The following PPFIBP2 variants were observed in gnomAD, a reference collection of about 807,000 sequenced individuals.
PPFIBP2 encodes the protein liprin-beta-2.
In PPFIBP2, 118 loss-of-function variants were observed where a neutral mutation model predicts 118.3. The observed-to-expected ratio is 1.00, with a 90% confidence interval of 0.86 to 1.16. The LOEUF (loss-of-function observed/expected upper bound fraction) is 1.16. PPFIBP2 is among the 50% of genes most tolerant of loss of function. PPFIBP2 has a pLI of 0.00. For missense variants in PPFIBP2, 1,195 were observed against 1,073.1 expected (o/e 1.11, Z -1.59); for synonymous variants, 414 against 397.4 (o/e 1.04, Z -0.50).
In PPFIBP2 at chr11:7,642,505, T is replaced by C. The variant is rs1444695191; in HGVS notation, c.1646+79T>C. The C allele has an allele frequency of 6.1e-6, 9 of 1,471,830 alleles. No individual in the cohort carries two copies. The East Asian group carries it at 2.2e-4, about 36-fold the overall frequency. 91.2% of individuals were successfully genotyped at this position (1,471,830 alleles called of 1,614,324 possible). A position where few individuals can be genotyped will look rare whatever the true frequency, so the allele number is the denominator to read the frequency against. On this transcript the variant is annotated intron_variant, in intron 17 of 23. Transcript: ENST00000299492. ...CCCTTCAAACCTGCATGGGTGAATC[T>C]TTACTCCTGTGTTTTGCGGAAACCC...
At chr11:7,587,216 C>G (rs942127764) in intron 3 of PPFIBP2, among the ~76,000 whole-genome samples, 3 of 152,172 alleles carry the variant, frequency 2.0e-5, no homozygotes, top group African/African-American at 7.2e-5. Flanking sequence ...CCCTTTTTAT[C>G]CTAGTACATC....
chr11:7,564,493 A>G (rs1482816326), intron 2 of PPFIBP2, among the ~76,000 whole-genome samples: 2 of 152,254 alleles, frequency 1.3e-5, no homozygotes, highest in East Asian at 3.8e-4. Context: ...CTAACTGGGA[A>G]GATCCAGAAA....
intron 1 of PPFIBP2, among the ~76,000 whole-genome samples, chr11:7,525,946 A>G (rs1188492086): frequency 6.6e-6 from 1 of 152,194 alleles, no homozygotes; most frequent in Non-Finnish European, 1.5e-5. Flanking sequence ...CAAGGTGGGC[A>G]GCATGTTCTT....
the PPFIBP2 span, among the ~76,000 whole-genome samples, chr11:7,664,757 G>C: frequency 6.6e-6 from 1 of 151,652 alleles, no homozygotes; most frequent in East Asian, 1.9e-4. Flanking sequence ...AGCAGTGAAG[G>C]ATCCCCAAGG....
intron 5 of PPFIBP2, among the ~76,000 whole-genome samples, chr11:7,602,713 G>A (rs947611581): frequency 6.6e-6 from 1 of 152,198 alleles, no homozygotes; most frequent in African/African-American, 2.4e-5. Context: ...GGAAACCTTG[G>A]ACAACACCAG....
At chr11:7,614,483 C>T (rs906846739) in intron 6 of PPFIBP2, among the ~76,000 whole-genome samples, 1 of 152,174 alleles carries the variant, frequency 6.6e-6, no homozygotes, top group Non-Finnish European at 1.5e-5. Flanking sequence ...ATTGTTCTAC[C>T]ATCCAACAAT....
At chr11:7,634,234 C>CT (rs1164211864) in intron 12 of PPFIBP2, among the ~76,000 whole-genome samples, 7 of 152,174 alleles carry the variant, frequency 4.6e-5, no homozygotes, top group Admixed American at 3.3e-4. Flanking sequence ...TGTATTCTGG[C>CT]TTTTTGTGCA....
chr11:7,564,559 T>C (rs1854732386), intron 2 of PPFIBP2, among the ~76,000 whole-genome samples: 1 of 152,252 alleles, frequency 6.6e-6, no homozygotes, highest in African/African-American at 2.4e-5. Flanking sequence ...CATCTAGTGC[T>C]GTGGGATAAG....
At chr11:7,587,722 C>T in intron 3 of PPFIBP2, among the ~76,000 whole-genome samples, 1 of 152,346 alleles carries the variant, frequency 6.6e-6, no homozygotes, top group Non-Finnish European at 1.5e-5. Flanking sequence ...AGAACTGTGG[C>T]ACCACCACTA....
In PPFIBP2 at chr11:7,653,356, T is replaced by A. The variant is rs1476806568; in HGVS notation, c.*138T>A. 6.7e-7 allele frequency: 1 copy of A among 1,488,308 alleles called. No homozygotes were observed. The highest frequency in any genetic ancestry group is 8.9e-7 in the Non-Finnish European group (1 of 1,123,212). 92.2% of individuals were successfully genotyped at this position (1,488,308 alleles called of 1,614,324 possible). On this transcript the variant is annotated 3_prime_UTR_variant, in exon 24 of 24. Transcript: ENST00000299492. ...CAGCAATTGTGTACCCCTGGGCCAGTCTCTTTGAACCCTGAGGGTGGCCAG... is the reference window on the plus strand; with the variant it reads ...CAGCAATTGTGTACCCCTGGGCCAGACTCTTTGAACCCTGAGGGTGGCCAG...
intron 3 of PPFIBP2, among the ~76,000 whole-genome samples, chr11:7,584,432 T>G (rs1052420726): frequency 3.3e-5 from 5 of 152,200 alleles, no homozygotes; most frequent in African/African-American, 9.6e-5. Flanking sequence ...GTTGGACTCC[T>G]GGTAGCCGAG....
At chr11:7,659,271 GT>G (rs1351216980), downstream of PPFIBP2, among the ~76,000 whole-genome samples, 3 of 149,720 alleles carry the variant, frequency 2.0e-5, no homozygotes, top group African/African-American at 7.4e-5. Flanking sequence ...GGTTTTTATG[GT>G]TTTAGGTCTA....
chr11:7,642,026 G>T, intron 16 of PPFIBP2: 1 of 430,204 alleles, frequency 2.3e-6, no homozygotes, highest in Non-Finnish European at 4.1e-6. Context: ...TTTGTGACAT[G>T]AGGCAGAAAC....
chr11:7,535,419 C>T (rs967212689), intron 1 of PPFIBP2, among the ~76,000 whole-genome samples: 5 of 152,172 alleles, frequency 3.3e-5, no homozygotes, highest in African/African-American at 9.7e-5. Flanking sequence ...TGAGGAAGTG[C>T]GTCCAGCGTA....
At chr11:7,575,274 A>G (rs1856148467) in intron 3 of PPFIBP2, among the ~76,000 whole-genome samples, 1 of 152,226 alleles carries the variant, frequency 6.6e-6, no homozygotes, top group Non-Finnish European at 1.5e-5. Flanking sequence ...CACACTTCTG[A>G]CAGTCTGGTG....
At chr11:7,545,292 TG>T (rs1419866410) in intron 1 of PPFIBP2, among the ~76,000 whole-genome samples, 1 of 152,012 alleles carries the variant, frequency 6.6e-6, no homozygotes, top group East Asian at 1.9e-4. Context: ...TAGCTGGGCG[TG>T]GTGGTACACA....
chr11:7,648,801 A>G lies in PPFIBP2; in HGVS notation c.1799A>G (p.Glu600Gly). 6.2e-7 allele frequency: 1 copy of G among 1,613,278 alleles called. No homozygotes were observed. The highest frequency in any genetic ancestry group is 8.5e-7 in the Non-Finnish European group (1 of 1,179,486). The stretch of plus-strand genomic sequence containing the variant: ...GTGGTCTTCATCTTTTAATTTCAGG[A>G]GCTAGGAATTAAGCACCCACTCCAC... ...LTATPQDMEK[E>G]LGIKHPLHRK... Residue 600 changes from glutamate (E) to glycine (G), a missense_variant and splice_region_variant, in exon 19 of 24, where the codon GAG becomes GGG. Glu to Gly is a moderately conservative substitution (Grantham distance 98). Transcript: ENST00000299492.
intron 7 of PPFIBP2, among the ~76,000 whole-genome samples, chr11:7,625,325 T>C (rs1849846040): frequency 6.6e-6 from 1 of 152,212 alleles, no homozygotes; most frequent in Non-Finnish European, 1.5e-5. Flanking sequence ...GCATTTTCTC[T>C]GTGGGTTGGA....
chr11:7,628,380 A>G (rs913340760), intron 9 of PPFIBP2, 34 bp downstream of exon 9: 6 of 1,594,530 alleles, frequency 3.8e-6, no homozygotes, highest in Non-Finnish European at 5.2e-6. Flanking sequence ...TGTCTTTTCC[A>G]TGCTTACATC....
Sources: allele counts gnomAD v4.1 joint callset (sites outside exome capture counted in the v4.1 genomes callset), GRCh38; gene constraint gnomAD v4.1.1; transcripts MANE v1.5; gene names NCBI Gene and HGNC (gene_info 2026-07-23, HGNC 2026-07-21).